The following ZNF717 variants were observed in gnomAD, a reference collection of about 807,000 sequenced individuals.
ZNF717 encodes zinc finger protein 717.
ZNF717 carries 9 observed loss-of-function variants against 13.8 expected under a neutral mutation model. The observed-to-expected ratio is 0.65, with a 90% confidence interval of 0.39 to 1.14. ZNF717 has a LOEUF of 1.14. ZNF717 is among the 50% of genes most tolerant of loss of function. The pLI is 0.01. For synonymous variants in ZNF717, 327 were observed against 364.1 expected, an observed-to-expected ratio of 0.90 and a Z score of 1.16; for missense variants, 1,040 against 1,080.7, an observed-to-expected ratio of 0.96 and a Z score of 0.53.
At chr3:75,721,784 C>G (rs1222135520) in intron 4 of ZNF717, among the ~76,000 whole-genome samples, 1 of 151,918 alleles carries the variant, frequency 6.6e-6, no homozygotes, top group Non-Finnish European at 1.5e-5. Context: ...AATAAGGTCT[C>G]TATTTTAATT....
chr3:75,741,557 T>A, intron 3 of ZNF717, 53 bp downstream of exon 3: 1 of 1,557,082 alleles, frequency 6.4e-7, no homozygotes, highest in East Asian at 2.4e-5. Context: ...AGGGTTCCTA[T>A]ATTTACCAGC....
At chr3:75,718,542 C>T (rs1323783256) in intron 4 of ZNF717, among the ~76,000 whole-genome samples, 1 of 152,084 alleles carries the variant, frequency 6.6e-6, no homozygotes, top group Admixed American at 6.5e-5. Flanking sequence ...ATGTGATATA[C>T]AGTTATATAA....
chr3:75,720,003 C>T lies in ZNF717; in HGVS notation n.545-3462G>A, dbSNP rs140376126. Among the ~76,000 whole-genome samples, 775 of 103,072 alleles carry T rather than the reference C, an allele frequency of 7.5e-3. 18 individuals are homozygous for T. The East Asian group carries it at 0.09, about 12-fold the overall frequency. The allele number at this position is 103,072 out of a possible 152,430, so 67.6% of individuals were successfully genotyped here. On this transcript the variant is annotated intron_variant and non_coding_transcript_variant, in intron 4 of 5. Transcript: ENST00000491507. ...ATAATAATAATAATAATAATAACCA[C>T]GGATTTTTGCAAGGCTACAGAGAAA...
chr3:75,702,171 T>C (rs1937708802), intron 6 of ZNF717, among the ~76,000 whole-genome samples: 1 of 152,306 alleles, frequency 6.6e-6, no homozygotes, highest in Non-Finnish European at 1.5e-5. Flanking sequence ...GGCACTCTCA[T>C]GTTTGCTTCA....
intron 5 of ZNF717, among the ~76,000 whole-genome samples, chr3:75,716,127 T>G (rs74590244): frequency 6.8e-6 from 1 of 147,198 alleles, no homozygotes; most frequent in South Asian, 2.3e-4. Context: ...CATGCCACCA[T>G]GCCTGGCTAA....
chr3:75,714,326 C>T (rs1938005916), intron 5 of ZNF717, among the ~76,000 whole-genome samples: 1 of 152,114 alleles, frequency 6.6e-6, no homozygotes, highest in Non-Finnish European at 1.5e-5. Flanking sequence ...TCACGGGCAT[C>T]TTCCCAGATG....
chr3:75,755,090 C>T (rs1455445692), intron 2 of ZNF717, among the ~76,000 whole-genome samples: 2 of 152,094 alleles, frequency 1.3e-5, no homozygotes, highest in African/African-American at 4.8e-5. Flanking sequence ...GTTTCTGTAC[C>T]CACTGAAACC....
At chr3:75,740,991 G>C (rs1325767081) in intron 4 of ZNF717, among the ~76,000 whole-genome samples, 1 of 152,104 alleles carries the variant, frequency 6.6e-6, no homozygotes, top group Non-Finnish European at 1.5e-5. Context: ...CATCAGAATA[G>C]AGGAAAAGGG....
Position 75,738,688 on chromosome 3 carries a change from G to A in ZNF717, c.935C>T (p.Ala312Val). Reference protein sequence around the residue: ...CKMPTEEKPYACNWCEKLFSY... With the variant: ...CKMPTEEKPYVCNWCEKLFSY... ...GAACAATTTTTCACACCAGTTACAGGCATAAGGTTTTTCCTCAGTAGGCAT... is the reference window on the plus strand; with the variant it reads ...GAACAATTTTTCACACCAGTTACAGACATAAGGTTTTTCCTCAGTAGGCAT... Residue 312 changes from alanine to valine, a missense_variant, in exon 5 of 5, where the codon GCC (alanine) becomes GTC (valine). Ala to Val is a moderately conservative substitution (Grantham distance 64, BLOSUM62 0). Around this residue, in one of 3 missense-constraint regions of ZNF717, gnomAD observed 873 missense variants for 832.8 expected, o/e 1.05. Coordinates refer to ENST00000652011, the MANE Select transcript of ZNF717 (RefSeq NM_001290208.3). 1.4e-5 allele frequency: 22 copies of A among 1,551,856 alleles called. No individual in the cohort carries two copies. The highest frequency in any genetic ancestry group is 1.9e-5 in the Non-Finnish European group (22 of 1,147,136).
At chr3:75,781,811 C>T (rs552707783) in intron 2 of ZNF717, among the ~76,000 whole-genome samples, 2 of 152,130 alleles carry the variant, frequency 1.3e-5, no homozygotes, top group Admixed American at 6.6e-5. Context: ...CACATTTGTC[C>T]GGCAGCTAAC....
At chr3:75,747,159 C>T (rs1941259176) in intron 2 of ZNF717, among the ~76,000 whole-genome samples, 1 of 152,078 alleles carries the variant, frequency 6.6e-6, no homozygotes, top group Non-Finnish European at 1.5e-5. Context: ...TGTCAAAGAT[C>T]AGATAGTTGT....
At chr3:75,753,322 G>C (rs1284749471) in intron 2 of ZNF717, among the ~76,000 whole-genome samples, 3 of 150,084 alleles carry the variant, frequency 2.0e-5, no homozygotes, top group Non-Finnish European at 4.4e-5. Context: ...CCTCACATAG[G>C]ATTACAGAGC....
intron 2 of ZNF717, among the ~76,000 whole-genome samples, chr3:75,764,351 T>C (rs1435367613): frequency 2.0e-5 from 3 of 152,188 alleles, no homozygotes; most frequent in African/African-American, 4.8e-5. Flanking sequence ...GTGGTCTACC[T>C]CTGCTGATTC....
At chr3:75,754,603 A>G (rs1942304916) in intron 2 of ZNF717, among the ~76,000 whole-genome samples, 2 of 152,238 alleles carry the variant, frequency 1.3e-5, no homozygotes, top group African/African-American at 2.4e-5. Flanking sequence ...AGTAGACTAG[A>G]CTCAGCTGAG....
At chr3:75,726,134 A>G (rs2918489), downstream of ZNF717, among the ~76,000 whole-genome samples, 54,118 of 150,876 alleles carry the variant, frequency 0.36, 5,222 homozygotes, top group South Asian at 0.51. Context: ...TAGGATTTTA[A>G]AATAAGTTTT....
At chr3:75,706,211 C>T (rs1473966606), downstream of ZNF717, among the ~76,000 whole-genome samples, 2 of 152,278 alleles carry the variant, frequency 1.3e-5, no homozygotes, top group African/African-American at 4.8e-5. Flanking sequence ...GAAAACCTAG[C>T]ATTATTAAAA....
chr3:75,760,508 T>C (rs1289913060), intron 2 of ZNF717, among the ~76,000 whole-genome samples: 1 of 151,624 alleles, frequency 6.6e-6, no homozygotes, highest in Non-Finnish European at 1.5e-5. Context: ...AACAAAATCA[T>C]GACATACCCA....
intron 5 of ZNF717, among the ~76,000 whole-genome samples, chr3:75,715,354 A>G (rs1453896383): frequency 1.3e-5 from 2 of 152,210 alleles, no homozygotes; most frequent in Admixed American, 6.5e-5. Context: ...AAAGATTTTC[A>G]GCGGTTTTAA....
At chr3:75,761,083 A>C (rs1309221324) in intron 2 of ZNF717, among the ~76,000 whole-genome samples, 6 of 152,204 alleles carry the variant, frequency 3.9e-5, no homozygotes, top group African/African-American at 1.4e-4. Context: ...ACCATACTGC[A>C]TCATGGAGAA....
Sources: allele counts gnomAD v4.1 joint callset (sites outside exome capture counted in the v4.1 genomes callset), GRCh38; gene constraint gnomAD v4.1.1; regional missense constraint gnomAD v4.1.1; transcripts MANE v1.5; gene names NCBI Gene and HGNC (gene_info 2026-07-23, HGNC 2026-07-21).